ABHD12: variants seen among roughly 807,000 people sequenced by gnomAD.
ABHD12 encodes the protein abhydrolase domain containing 12, lysophospholipase.
Under a neutral mutation model 58.3 loss-of-function variants are expected in ABHD12, and 43 were observed. The ratio of observed to expected loss-of-function variants is 0.74; its 90% CI spans 0.58 to 0.95. The LOEUF (loss-of-function observed/expected upper bound fraction) is 0.95. Among genes scored for constraint, ABHD12 ranks in the 40% least tolerant of loss-of-function variants. The pLI is 0.00. For missense variants in ABHD12, 539 were observed against 537.2 expected, an observed-to-expected ratio of 1.00 and a Z score of -0.03; for synonymous variants, 219 against 211.2, an observed-to-expected ratio of 1.04 and a Z score of -0.32.
Position 25,383,454 on chromosome 20 carries a change from G to A in ABHD12, c.191+7059C>T, listed in dbSNP as rs142527636. On this transcript the variant is annotated intron_variant, in intron 1 of 12. Coordinates refer to ENST00000339157, the MANE Select transcript of ABHD12 (RefSeq NM_001042472.3). ...TGTACATCTCATGACTGCCTTCTCA[G>A]GGTCCAAATTAGACCAGTCATGCCT... is the stretch of plus-strand genomic sequence containing the variant. 7.2e-3 allele frequency among the ~76,000 whole-genome samples: 1,093 copies of A among 152,294 alleles called. 15 individuals are homozygous for A. Among genetic ancestry groups the A allele is most frequent in the African/African-American group, 0.025 (1,031 of 41,550 alleles).
Position 25,320,316 on chromosome 20 carries a change from T to A in ABHD12, c.425A>T (p.His142Leu). The A allele has an allele frequency of 6.2e-7, 1 of 1,613,700 alleles. No individual in the cohort carries two copies. Among genetic ancestry groups the A allele is most frequent in the South Asian group, 1.1e-5 (1 of 91,082 alleles). ...CTTCCACCAGACTGCAGGGACGGTG[T>A]GCCTGCAGACAGAAGCAGAGGGGAG... ...PEEDVTIGVW[H>L]TVPAVWWKNA... The change falls in exon 4 of 13, where the codon CAC (histidine) becomes CTC (leucine). Residue 142 changes from histidine (H) to leucine (L), a missense_variant and splice_region_variant. Physicochemically the swap from His to Leu is moderately conservative, Grantham distance 99 (BLOSUM62 -3). Coordinates refer to ENST00000339157, the MANE Select transcript of ABHD12 (RefSeq NM_001042472.3).
chr20:25,358,241 T>C (rs1303594160), intron 1 of ABHD12, among the ~76,000 whole-genome samples: 1 of 152,212 alleles, frequency 6.6e-6, no homozygotes, highest in Non-Finnish European at 1.5e-5. Flanking sequence ...TTGCTAATAA[T>C]AGCAGGAAGA....
intron 1 of ABHD12, among the ~76,000 whole-genome samples, chr20:25,370,518 C>T (rs115687081): frequency 0.011 from 1,687 of 152,294 alleles, 32 homozygotes; most frequent in African/African-American, 0.036. Flanking sequence ...GTGACACTGG[C>T]TCAATATTTT....
chr20:25,378,865 C>G (rs1025398627), intron 1 of ABHD12, among the ~76,000 whole-genome samples: 1 of 152,212 alleles, frequency 6.6e-6, no homozygotes, highest in African/African-American at 2.4e-5. Flanking sequence ...CTTTCCCACA[C>G]CAACACCCAT....
intron 1 of ABHD12, among the ~76,000 whole-genome samples, chr20:25,348,934 A>G (rs1568749733): frequency 6.6e-6 from 1 of 151,882 alleles, no homozygotes; most frequent in Non-Finnish European, 1.5e-5. Context: ...TACAAAAAAA[A>G]TTAGCCGGGC....
At chr20:25,361,157 C>T (rs1399815566) in intron 1 of ABHD12, among the ~76,000 whole-genome samples, 1 of 152,208 alleles carries the variant, frequency 6.6e-6, no homozygotes, top group African/African-American at 2.4e-5. Flanking sequence ...TGAAGCTTGC[C>T]GTCTGCAACC....
downstream of ABHD12, chr20:25,295,595 C>T: frequency 6.2e-7 from 1 of 1,613,396 alleles, no homozygotes; most frequent in East Asian, 2.2e-5. Flanking sequence ...CTCCTTTCTC[C>T]CATTCCAGGT....
At chr20:25,342,263 C>T (rs1205651702) in intron 1 of ABHD12, among the ~76,000 whole-genome samples, 1 of 152,138 alleles carries the variant, frequency 6.6e-6, no homozygotes, top group African/African-American at 2.4e-5. Context: ...ACTATTGATA[C>T]ATGCAACCAC....
At chr20:25,370,197 T>G (rs2089882496) in intron 1 of ABHD12, among the ~76,000 whole-genome samples, 1 of 152,118 alleles carries the variant, frequency 6.6e-6, no homozygotes, top group Admixed American at 6.5e-5. Context: ...GCATCAGATC[T>G]CTCATGCATC....
chr20:25,354,220 A>G (rs1434797733), intron 1 of ABHD12, among the ~76,000 whole-genome samples: 1 of 152,224 alleles, frequency 6.6e-6, no homozygotes, highest in African/African-American at 2.4e-5. Flanking sequence ...GCAGTAAAGC[A>G]AAAACCAAAA....
intron 1 of ABHD12, among the ~76,000 whole-genome samples, chr20:25,354,336 G>T (rs1257868791): frequency 6.6e-6 from 1 of 152,224 alleles, no homozygotes; most frequent in Non-Finnish European, 1.5e-5. Context: ...CAGGAAACAG[G>T]CAGGCAGGAA....
intron 2 of ABHD12, among the ~76,000 whole-genome samples, chr20:25,327,094 T>G (rs945632544): frequency 6.6e-6 from 1 of 152,220 alleles, no homozygotes; most frequent in Non-Finnish European, 1.5e-5. Flanking sequence ...ACTACACCCC[T>G]GGCCAGCAGG....
intron 1 of ABHD12, among the ~76,000 whole-genome samples, chr20:25,342,018 G>A (rs534551959): frequency 2.1e-5 from 3 of 143,754 alleles, no homozygotes; most frequent in Non-Finnish European, 4.5e-5. Flanking sequence ...TGTGCCTCAA[G>A]AGAAAGGAAA....
intron 1 of ABHD12, among the ~76,000 whole-genome samples, chr20:25,375,336 C>T (rs1341405808): frequency 6.6e-6 from 1 of 152,204 alleles, no homozygotes; most frequent in East Asian, 1.9e-4. Flanking sequence ...CATGCTGTTC[C>T]TGAATGTTCT....
chr20:25,336,001 G>C (rs2089362180), intron 2 of ABHD12, among the ~76,000 whole-genome samples: 1 of 151,624 alleles, frequency 6.6e-6, no homozygotes, highest in Admixed American at 6.6e-5. Flanking sequence ...CATGATGATA[G>C]ATCTGACCTA....
chr20:25,390,364 C>A (rs2090153798), intron 1 of ABHD12, 149 bp downstream of exon 1: 4 of 811,234 alleles, frequency 4.9e-6, no homozygotes, highest in Admixed American at 9.0e-5. Flanking sequence ...GGGCCAAATG[C>A]GGGACACAGG....
At chr20:25,356,852 A>G (rs950067354) in intron 1 of ABHD12, among the ~76,000 whole-genome samples, 5 of 152,160 alleles carry the variant, frequency 3.3e-5, no homozygotes, top group Non-Finnish European at 7.4e-5. Context: ...TGAGCAGCAC[A>G]ATGAGGCCGC....
At chr20:25,306,988 G>A (rs923113462) in intron 9 of ABHD12, 73 bp from the exon 10 acceptor site, 40 of 1,149,306 alleles carry the variant, frequency 3.5e-5, no homozygotes, top group Middle Eastern at 1.9e-4. Context: ...GGTGCAGACA[G>A]TTTAAGTTCA....
intron 1 of ABHD12, among the ~76,000 whole-genome samples, chr20:25,345,275 C>T (rs879715398): frequency 9.2e-5 from 14 of 152,022 alleles, no homozygotes; most frequent in African/African-American, 1.7e-4. Context: ...TTAGTAGAGA[C>T]GGGGTTTCAC....
Sources: allele counts gnomAD v4.1 joint callset (sites outside exome capture counted in the v4.1 genomes callset), GRCh38; gene constraint gnomAD v4.1.1; transcripts MANE v1.5; gene names NCBI Gene and HGNC (gene_info 2026-07-23, HGNC 2026-07-21).